RECK: variants seen among roughly 807,000 people sequenced by gnomAD.
The protein encoded by RECK is reversion-inducing cysteine-rich protein with Kazal motifs.
A neutral mutation model predicts 115.1 loss-of-function variants in RECK; 69 were observed. The observed-to-expected ratio is 0.60, with a 90% confidence interval of 0.49 to 0.73. RECK has a LOEUF of 0.73. Among genes scored for constraint, RECK ranks in the 30% least tolerant of loss-of-function variants. The pLI is 0.00. For synonymous variants in RECK, 414 were observed against 419.7 expected, an observed-to-expected ratio of 0.99 and a Z score of 0.17; for missense variants, 1,047 against 1,203.7, an observed-to-expected ratio of 0.87 and a Z score of 1.93.
rs535914088 is a variant in RECK, at chr9:36,095,765, C to T, written c.1085+4422C>T. ...CAGCCTGGGCAACATGGTGAAACAC[C>T]ATCAATCAAAAATACAAAATATTGG... On this transcript the variant is annotated intron_variant, in intron 10 of 20. Coordinates refer to ENST00000377966, the MANE Select transcript of RECK (RefSeq NM_021111.3). Among the ~76,000 whole-genome samples the T allele has an allele frequency of 2.6e-5, 4 of 151,994 alleles. No homozygotes were observed. The East Asian group carries it at 7.8e-4, about 29-fold the overall frequency.
In RECK at chr9:36,105,212, A is replaced by G. The variant is rs1823750385; in HGVS notation, c.1505A>G (p.Asn502Ser). 1 of 1,613,884 alleles carries G rather than the reference A, an allele frequency of 6.2e-7. No homozygotes were observed. Among genetic ancestry groups the G allele is most frequent in the East Asian group, 2.2e-5 (1 of 44,888 alleles). The change falls in exon 13 of 21, where the codon AAT becomes AGT. Residue 502 changes from asparagine (N) to serine (S), a missense_variant. Transcript: ENST00000377966. Reference protein sequence around the residue: ...HPCNPNPCPANELCEVNRKGC... With the variant: ...HPCNPNPCPASELCEVNRKGC... ...TGTAACCCAAATCCTTGCCCTGCCA[A>G]TGAGCTCTGTGAAGTAAACCGAAAA... is the stretch of plus-strand genomic sequence containing the variant.
At chr9:36,050,829 C>G (rs2132561126) in intron 1 of RECK, among the ~76,000 whole-genome samples, 1 of 152,246 alleles carries the variant, frequency 6.6e-6, no homozygotes, top group Non-Finnish European at 1.5e-5. Context: ...TTCATTGTGG[C>G]TCGTTCCCTT....
intron 18 of RECK, 133 bp downstream of exon 18, chr9:36,119,100 A>C: frequency 1.2e-6 from 1 of 868,410 alleles, no homozygotes; most frequent in Non-Finnish European, 1.7e-6. Context: ...TATGCTGATC[A>C]TACTCACTAC....
chr9:36,105,248 C>G lies in RECK; in HGVS notation c.1541C>G (p.Ser514Cys), dbSNP rs751159803. ...LCEVNRKGCP[S>C]GDPCLPYFCV... ...GAAGTAAACCGAAAAGGATGTCCATCTGGAGATCCCTGTCTTCCATACTTT... is the reference window on the plus strand; with the variant it reads ...GAAGTAAACCGAAAAGGATGTCCATGTGGAGATCCCTGTCTTCCATACTTT... The change falls in exon 13 of 21, where the codon TCT (serine) becomes TGT (cysteine). Residue 514 changes from serine to cysteine, a missense_variant. Transcript: ENST00000377966. 1 of 1,614,068 alleles carries G rather than the reference C, an allele frequency of 6.2e-7. No individual in the cohort carries two copies. The highest frequency in any genetic ancestry group is 2.2e-5 in the East Asian group (1 of 44,858).
In RECK at chr9:36,096,324, G is replaced by GT. The variant is rs1167646352; in HGVS notation, c.1086-4006dup. Among the ~76,000 whole-genome samples, 5 of 151,950 alleles carry GT rather than the reference G, an allele frequency of 3.3e-5. No individual in the cohort carries two copies. In the East Asian group the frequency reaches 9.7e-4, roughly 30 times the overall value. ...GGCCGAGGTGGGTGGATTACCTGACGTCAAGAGTTCAAGACCAGCCTGGCC... is the reference window on the plus strand; with the variant it reads ...GGCCGAGGTGGGTGGATTACCTGACGTTCAAGAGTTCAAGACCAGCCTGGCC... On this transcript the variant is annotated intron_variant, in intron 10 of 20. Transcript: ENST00000377966.
Position 36,087,724 on chromosome 9 carries a change from A to G in RECK, c.668A>G (p.His223Arg). Reference sequence around the variant, plus strand: ...TATTGCTGTGACAGAGCTGAAGACCATGCTTGCCAAAATGCCTGCAAGAGA... The same window carrying G: ...TATTGCTGTGACAGAGCTGAAGACCGTGCTTGCCAAAATGCCTGCAAGAGA... ...SLYCCDRAED[H>R]ACQNACKRIL... The change falls in exon 9 of 21, where the codon CAT becomes CGT. Residue 223 changes from histidine to arginine, a missense_variant. His to Arg is a conservative substitution (Grantham distance 29). Coordinates refer to ENST00000377966, the MANE Select transcript of RECK (RefSeq NM_021111.3). The G allele has an allele frequency of 1.2e-6, 2 of 1,614,016 alleles. No individual in the cohort carries two copies. The highest frequency in any genetic ancestry group is 1.7e-6 in the Non-Finnish European group (2 of 1,179,896).
At chr9:36,117,199 A>G (rs1305859647) in intron 17 of RECK, 22 bp downstream of exon 17, 33 of 1,569,962 alleles carry the variant, frequency 2.1e-5, no homozygotes, top group Non-Finnish European at 2.8e-5. Flanking sequence ...TGGCTGACAA[A>G]ACAAAGTACA....
chr9:36,060,716 TCTGTCTTC>T (rs1167606805), intron 4 of RECK, among the ~76,000 whole-genome samples: 2 of 152,174 alleles, frequency 1.3e-5, no homozygotes, highest in African/African-American at 2.4e-5. Context: ...CTTCTTCCCT[TCTGTCTTC>T]ACATTCACCT....
chr9:36,064,887 C>T (rs1821924927), intron 5 of RECK, among the ~76,000 whole-genome samples: 1 of 151,766 alleles, frequency 6.6e-6, no homozygotes, highest in African/African-American at 2.4e-5. Flanking sequence ...TGGAAACTGA[C>T]TCATGTGGAA....
At chr9:36,120,837 C>G in intron 19 of RECK, 101 bp downstream of exon 19, 1 of 860,062 alleles carries the variant, frequency 1.2e-6, no homozygotes, top group Non-Finnish European at 1.8e-6. Flanking sequence ...GATAAAGAAA[C>G]TAATCTTCAG....
At chr9:36,113,087 T>C (rs534400174) in intron 16 of RECK, among the ~76,000 whole-genome samples, 1 of 152,322 alleles carries the variant, frequency 6.6e-6, no homozygotes, top group South Asian at 2.1e-4. Flanking sequence ...TGTTTTGAGC[T>C]CCTTTCTCTG....
intron 1 of RECK, among the ~76,000 whole-genome samples, chr9:36,043,955 T>A (rs1820980979): frequency 6.6e-6 from 1 of 152,128 alleles, no homozygotes; most frequent in Admixed American, 6.5e-5. Context: ...AATTTTAGGA[T>A]TGAAATTCAA....
chr9:36,114,853 A>G (rs1168025186), intron 16 of RECK, among the ~76,000 whole-genome samples: 1 of 151,996 alleles, frequency 6.6e-6, no homozygotes, highest in East Asian at 1.9e-4. Context: ...TAAAAACAAA[A>G]CAAAACAAAA....
chr9:36,039,921 A>G (rs1291630620), intron 1 of RECK, among the ~76,000 whole-genome samples: 1 of 152,344 alleles, frequency 6.6e-6, no homozygotes, highest in East Asian at 1.9e-4. Flanking sequence ...TATGCAGCTG[A>G]AAGTTTCTGT....
rs1244437060 is a variant in RECK at position 36,108,167 on chromosome 9, G to A, written c.1765+3G>A. 2.5e-6 allele frequency: 4 copies of A among 1,581,900 alleles called. No individual in the cohort carries two copies. Among genetic ancestry groups the A allele is most frequent in the Non-Finnish European group, 3.4e-6 (4 of 1,168,494 alleles). On this transcript the variant is annotated splice_donor_region_variant and intron_variant, in intron 14 of 20. Coordinates refer to ENST00000377966, the MANE Select transcript of RECK (RefSeq NM_021111.3). ...TATTGTTGGAGGAAAAAGAAAAAGTGAGTCTTAAGCTCTGATTTTGTTTTT... is the reference window on the plus strand; with the variant it reads ...TATTGTTGGAGGAAAAAGAAAAAGTAAGTCTTAAGCTCTGATTTTGTTTTT...
intron 8 of RECK, chr9:36,086,062 G>A (rs1822946884): frequency 6.6e-6 from 1 of 152,170 alleles, no homozygotes; most frequent in Non-Finnish European, 1.5e-5. Context: ...AAACAGATAT[G>A]CACAGATTTC....
Position 36,123,091 on chromosome 9 carries a change from C to A in RECK, c.*46C>A, listed in dbSNP as rs1264219975. 1 of 1,478,272 alleles carries A rather than the reference C, an allele frequency of 6.8e-7. No homozygotes were observed. Among genetic ancestry groups the A allele is most frequent in the Non-Finnish European group, 9.3e-7 (1 of 1,073,430 alleles). 91.6% of individuals were successfully genotyped at this position (1,478,272 alleles called of 1,614,324 possible). On this transcript the variant is annotated 3_prime_UTR_variant, in exon 21 of 21. Transcript: ENST00000377966. ...ATGCTCCTCCACCTCACTCTCCTGC[C>A]TTGAAAAAGACATTCAGGACTGCTG... is the stretch of plus-strand genomic sequence containing the variant.
chr9:36,080,464 C>A, intron 6 of RECK, 141 bp from the exon 7 acceptor site: 1 of 705,026 alleles, frequency 1.4e-6, no homozygotes, highest in Non-Finnish European at 2.4e-6. Context: ...CATTTCATAA[C>A]TTCTGTGTTT....
At chr9:36,113,625 A>T (rs1482064807) in intron 16 of RECK, among the ~76,000 whole-genome samples, 1 of 152,220 alleles carries the variant, frequency 6.6e-6, no homozygotes, top group East Asian at 1.9e-4. Context: ...TTGAGTATAT[A>T]CAAGATTGAA....
Sources: gnomAD v4.1 joint callset for allele counts (sites outside exome capture counted in the v4.1 genomes callset) on GRCh38, gnomAD v4.1.1 for gene constraint, MANE v1.5 for transcripts, NCBI Gene and HGNC (gene_info 2026-07-23, HGNC 2026-07-21) for gene names.